Variants in NUBPL observed in about 807,000 individuals in gnomAD.
NUBPL encodes NUBP iron-sulfur cluster assembly factor, mitochondrial, also known as iron-sulfur cluster transfer protein NUBPL.
In NUBPL, 31 loss-of-function variants were observed where a neutral mutation model predicts 45.7. The ratio of observed to expected loss-of-function variants is 0.68; its 90% CI spans 0.51 to 0.92. The LOEUF is 0.92. NUBPL is among the 40% of genes least tolerant of loss of function. The probability of loss-of-function intolerance (pLI) is 0.00; values close to 1 mark genes in which losing one functional copy is unlikely to be tolerated. For missense variants in NUBPL, 401 were observed against 398.7 expected, an observed-to-expected ratio of 1.01 and a Z score of -0.05; for synonymous variants, 144 against 140.9, an observed-to-expected ratio of 1.02 and a Z score of -0.15.
At chr14:31,590,718 C>G (rs1157878323) in intron 3 of NUBPL, among the ~76,000 whole-genome samples, 4 of 152,124 alleles carry the variant, frequency 2.6e-5, no homozygotes, top group Non-Finnish European at 5.9e-5. Flanking sequence ...ATTCTGGCAA[C>G]AAATGACTAG....
intron 4 of NUBPL, among the ~76,000 whole-genome samples, chr14:31,641,750 C>T (rs895156712): frequency 6.6e-6 from 1 of 152,164 alleles, no homozygotes; most frequent in Non-Finnish European, 1.5e-5. Flanking sequence ...TTTAAGGAAG[C>T]TCCACACTAG....
chr14:31,741,461 G>A (rs1370321847), intron 6 of NUBPL, among the ~76,000 whole-genome samples: 1 of 152,128 alleles, frequency 6.6e-6, no homozygotes, highest in Non-Finnish European at 1.5e-5. Flanking sequence ...AGCAGGCTGG[G>A]TTCTGGTAAA....
intron 6 of NUBPL, among the ~76,000 whole-genome samples, chr14:31,713,303 A>G (rs146544304): frequency 6.2e-4 from 94 of 152,226 alleles, no homozygotes; most frequent in African/African-American, 2.2e-3. Context: ...TTACCTTACC[A>G]TAGTTTTTCG....
chr14:31,694,190 T>G (rs1485972750), intron 6 of NUBPL, among the ~76,000 whole-genome samples: 1 of 152,066 alleles, frequency 6.6e-6, no homozygotes, highest in Admixed American at 6.5e-5. Context: ...TATAGTTCAG[T>G]TATTGTTTTT....
At chr14:31,789,909 T>C (rs568338385) in intron 7 of NUBPL, among the ~76,000 whole-genome samples, 149 of 152,064 alleles carry the variant, frequency 9.8e-4, no homozygotes, top group African/African-American at 3.4e-3. Context: ...TTTTTCTTTT[T>C]TTTTTTTGTC....
chr14:31,848,172 A>G (rs921485190), intron 9 of NUBPL, among the ~76,000 whole-genome samples: 1 of 152,234 alleles, frequency 6.6e-6, no homozygotes, highest in South Asian at 2.1e-4. Context: ...CAAAAATTTG[A>G]TGGTGCCCTA....
chr14:31,653,668 A>G (rs982086759), intron 4 of NUBPL, among the ~76,000 whole-genome samples: 3 of 152,312 alleles, frequency 2.0e-5, no homozygotes, highest in Admixed American at 1.3e-4. Flanking sequence ...AATTTGTACA[A>G]TAGTGGTCCT....
intron 6 of NUBPL, among the ~76,000 whole-genome samples, chr14:31,773,395 T>A (rs2039043806): frequency 6.6e-6 from 1 of 152,160 alleles, no homozygotes; most frequent in Non-Finnish European, 1.5e-5. Context: ...GAATGAACAC[T>A]GGTTAGATAT....
chr14:31,620,133 C>G (rs142979245), intron 4 of NUBPL, among the ~76,000 whole-genome samples: 8 of 152,042 alleles, frequency 5.3e-5, no homozygotes, highest in African/African-American at 1.9e-4. Flanking sequence ...TCAGCTCCAT[C>G]ATGTCATTTA....
Position 31,561,737 on chromosome 14 carries a change from G to A in NUBPL, c.108+190G>A, listed in dbSNP as rs1434931851. On this transcript the variant is annotated intron_variant, in intron 1 of 10. Coordinates refer to ENST00000281081, the MANE Select transcript of NUBPL (RefSeq NM_025152.3). ...GGACTTGAAACACAGTTAGAACGTA[G>A]ATGTGGTATTCTACATTGCTTTCTT... 5.3e-6 allele frequency: 3 copies of A among 567,800 alleles called. No homozygotes were observed. In the African/African-American group the frequency reaches 5.7e-5, roughly 11 times the overall value. 35.2% of individuals were successfully genotyped at this position (567,800 alleles called of 1,614,324 possible). A position where few individuals can be genotyped will look rare whatever the true frequency, so the allele number is the denominator to read the frequency against.
At chr14:31,743,090 C>G (rs1386594964) in intron 6 of NUBPL, among the ~76,000 whole-genome samples, 1 of 152,122 alleles carries the variant, frequency 6.6e-6, no homozygotes, top group Non-Finnish European at 1.5e-5. Flanking sequence ...GGGTCTCTAA[C>G]CTCAGTGAGA....
intron 6 of NUBPL, among the ~76,000 whole-genome samples, chr14:31,705,258 C>T (rs1403174987): frequency 1.3e-5 from 2 of 152,240 alleles, no homozygotes; most frequent in Non-Finnish European, 2.9e-5. Flanking sequence ...AGTGTTACAG[C>T]TCATAAAGGC....
At chr14:31,564,965 T>C (rs779168924) in intron 2 of NUBPL, 49 bp from the exon 3 acceptor site, 7 of 997,376 alleles carry the variant, frequency 7.0e-6, no homozygotes, top group Non-Finnish European at 1.1e-5. Flanking sequence ...AAATGAATTT[T>C]AATAGAAGGA....
chr14:31,830,333 C>T (rs1456565940), intron 8 of NUBPL, among the ~76,000 whole-genome samples: 2 of 152,120 alleles, frequency 1.3e-5, no homozygotes, highest in African/African-American at 4.8e-5. Flanking sequence ...TCTTCAAGTA[C>T]TTTATATCAT....
intron 4 of NUBPL, among the ~76,000 whole-genome samples, chr14:31,639,510 T>G (rs2035616919): frequency 6.6e-6 from 1 of 152,176 alleles, no homozygotes; most frequent in African/African-American, 2.4e-5. Context: ...TGCCTCCCAG[T>G]TAGGCTGCTC....
intron 4 of NUBPL, chr14:31,654,238 A>T (rs954976914): frequency 5.4e-5 from 15 of 276,224 alleles, no homozygotes; most frequent in Non-Finnish European, 9.1e-5. Flanking sequence ...AAAAATATGT[A>T]TGTACCTTAA....
At chr14:31,676,004 A>T (rs1057105221) in intron 6 of NUBPL, among the ~76,000 whole-genome samples, 1 of 151,956 alleles carries the variant, frequency 6.6e-6, no homozygotes, top group African/African-American at 2.4e-5. Context: ...ATTTCAAATG[A>T]ATAGGATTAT....
At chr14:31,846,329 G>A in intron 8 of NUBPL, 142 bp from the exon 9 acceptor site, 1 of 711,664 alleles carries the variant, frequency 1.4e-6, no homozygotes. Context: ...TTCCTTCAGA[G>A]CAGAGGCCAT....
intron 4 of NUBPL, among the ~76,000 whole-genome samples, chr14:31,638,999 C>CAA (rs1441560769): frequency 6.6e-6 from 1 of 151,890 alleles, no homozygotes; most frequent in Non-Finnish European, 1.5e-5. Flanking sequence ...AATTTTTTTT[C>CAA]AAAGTTTTTC....
Sources: allele counts gnomAD v4.1 joint callset (sites outside exome capture counted in the v4.1 genomes callset), GRCh38; gene constraint gnomAD v4.1.1; transcripts MANE v1.5; gene names NCBI Gene and HGNC (gene_info 2026-07-23, HGNC 2026-07-21).